SCAPER: variants seen among roughly 807,000 people sequenced by gnomAD.
SCAPER encodes the protein S phase cyclin A-associated protein in the endoplasmic reticulum.
SCAPER carries 98 observed loss-of-function variants against 182.2 expected under a neutral mutation model. That is an observed-to-expected ratio of 0.54 (90% CI 0.46 to 0.64). The LOEUF (loss-of-function observed/expected upper bound fraction) is 0.64. Among genes scored for constraint, SCAPER ranks in the 30% least tolerant of loss-of-function variants. SCAPER has a pLI of 0.00. For missense variants in SCAPER, 1,432 were observed against 1,690.0 expected (o/e 0.85, Z 2.68); for synonymous variants, 605 against 564.6 (o/e 1.07, Z -1.01).
chr15:76,448,931 T>C (rs2048188126), intron 25 of SCAPER, among the ~76,000 whole-genome samples: 1 of 152,182 alleles, frequency 6.6e-6, no homozygotes, highest in Admixed American at 6.5e-5. Context: ...AGTTATCATC[T>C]CTCTTCTACT....
rs551704140 is a variant in SCAPER, at chr15:76,845,792, A to T, written c.196-3861T>A. 3.2e-3 allele frequency among the ~76,000 whole-genome samples: 483 copies of T among 152,186 alleles called. 5 individuals carry two copies. The highest frequency in any genetic ancestry group is 0.011 in the African/African-American group (461 of 41,540). ...ATCCAAAGCAATCTATAGATTCAATACAATCCCTATCAAAATACCAATGAC... is the reference window on the plus strand; with the variant it reads ...ATCCAAAGCAATCTATAGATTCAATTCAATCCCTATCAAAATACCAATGAC... On this transcript the variant is annotated intron_variant, in intron 4 of 31. Coordinates refer to ENST00000563290, the MANE Select transcript of SCAPER (RefSeq NM_020843.4).
In SCAPER at chr15:76,554,984, T is replaced by G. The variant is rs545302916; in HGVS notation, c.2838+19174A>C. On this transcript the variant is annotated intron_variant, in intron 23 of 31. Transcript: ENST00000563290. Reference sequence around the variant, plus strand: ...TTAGTAGAGACAGGGTTTTGCCATGTTGGCCAGGCTGGTCTCGAACTCCTG... The same window carrying G: ...TTAGTAGAGACAGGGTTTTGCCATGGTGGCCAGGCTGGTCTCGAACTCCTG... Among the ~76,000 whole-genome samples the G allele has an allele frequency of 1.6e-3, 246 of 152,252 alleles. 1 individual carries two copies. Among genetic ancestry groups the G allele is most frequent in the African/African-American group, 5.6e-3 (232 of 41,540 alleles).
intron 27 of SCAPER, among the ~76,000 whole-genome samples, chr15:76,386,228 CCTTAA>C (rs1330374652): frequency 6.6e-6 from 1 of 152,190 alleles, no homozygotes; most frequent in Admixed American, 6.5e-5. Flanking sequence ...ATCTCAAGAT[CCTTAA>C]CTTAATTGTA....
intron 2 of SCAPER, among the ~76,000 whole-genome samples, chr15:76,863,972 T>A (rs1308706631): frequency 6.6e-6 from 1 of 152,190 alleles, no homozygotes; most frequent in East Asian, 1.9e-4. Flanking sequence ...GAGGACAGCA[T>A]CCTCTACCCA....
chr15:76,419,335 GA>G (rs71444980), intron 26 of SCAPER, among the ~76,000 whole-genome samples: 145 of 92,570 alleles, frequency 1.6e-3, no homozygotes, highest in African/African-American at 4.2e-3. Context: ...GTCTCAAAAA[GA>G]AAAAAAAAAA....
At chr15:76,862,594 A>G (rs200127882) in intron 2 of SCAPER, 61 bp from the exon 3 acceptor site, 13 of 1,066,344 alleles carry the variant, frequency 1.2e-5, no homozygotes, top group Non-Finnish European at 1.6e-5. Flanking sequence ...TATATTTAAC[A>G]AAGTCATTAT....
chr15:76,664,645 A>T (rs1336355730), intron 21 of SCAPER, among the ~76,000 whole-genome samples: 1 of 152,152 alleles, frequency 6.6e-6, no homozygotes, highest in Non-Finnish European at 1.5e-5. Flanking sequence ...CAGGTTCAAA[A>T]AACAGGCCCT....
intron 15 of SCAPER, among the ~76,000 whole-genome samples, chr15:76,737,834 G>C (rs766878449): frequency 4.6e-5 from 7 of 152,144 alleles, no homozygotes; most frequent in Non-Finnish European, 1.0e-4. Flanking sequence ...CAAACCTCAA[G>C]AATCAACCTC....
chr15:76,451,600 TC>T (rs1174547551), intron 25 of SCAPER, among the ~76,000 whole-genome samples: 1 of 152,204 alleles, frequency 6.6e-6, no homozygotes, highest in African/African-American at 2.4e-5. Context: ...TGCTGCTTTT[TC>T]CTCTCTAAAC....
intron 22 of SCAPER, among the ~76,000 whole-genome samples, chr15:76,587,148 G>T (rs894489494): frequency 2.0e-5 from 3 of 152,070 alleles, no homozygotes; most frequent in Non-Finnish European, 2.9e-5. Context: ...GGTGTCAGTT[G>T]TAATATCTCC....
At chr15:76,796,099 C>G (rs147672138) in intron 7 of SCAPER, among the ~76,000 whole-genome samples, 1 of 152,056 alleles carries the variant, frequency 6.6e-6, no homozygotes, top group African/African-American at 2.4e-5. Context: ...TGCATTAATT[C>G]GTCAATCTTG....
intron 5 of SCAPER, among the ~76,000 whole-genome samples, chr15:76,819,800 C>T (rs1376600786): frequency 6.6e-6 from 1 of 152,128 alleles, no homozygotes; most frequent in East Asian, 1.9e-4. Context: ...TCAGAGTGAA[C>T]AGGCAACCTA....
chr15:76,477,931 T>C (rs894241511), intron 24 of SCAPER, among the ~76,000 whole-genome samples: 5 of 151,980 alleles, frequency 3.3e-5, no homozygotes, highest in African/African-American at 4.8e-5. Context: ...TTTATTGCTA[T>C]CTTAATTTTT....
At chr15:76,839,559 T>C (rs1193139935) in intron 5 of SCAPER, among the ~76,000 whole-genome samples, 1 of 152,216 alleles carries the variant, frequency 6.6e-6, no homozygotes. Flanking sequence ...GAGTAGAATA[T>C]AAAAATACCT....
rs118088860 is a variant in SCAPER, at chr15:76,530,498, C to T, written c.2839-25524G>A. ...TCTGAGAACGAGAAAAATTTAAAGG[C>T]ATCATGTACTGGCCTCCACTGTCCC... On this transcript the variant is annotated intron_variant, in intron 23 of 31. Transcript: ENST00000563290. 1.4e-4 allele frequency among the ~76,000 whole-genome samples: 22 copies of T among 152,268 alleles called. No homozygotes were observed. In the East Asian group the frequency reaches 4.2e-3, roughly 29 times the overall value.
intron 17 of SCAPER, among the ~76,000 whole-genome samples, chr15:76,707,768 A>C (rs2059334953): frequency 6.6e-6 from 1 of 152,170 alleles, no homozygotes; most frequent in Non-Finnish European, 1.5e-5. Context: ...TGACATTTAG[A>C]GAACACTCCA....
At position 76,804,169 on chromosome 15, in the gene SCAPER, C is replaced by T. The variant is rs570167611; in HGVS notation, c.494+364G>A. The stretch of plus-strand genomic sequence containing the variant: ...CATCCCATCCATGAAACACTTCTTC[C>T]GCATCCTCCTGAAATCTTCCCTGAT... On this transcript the variant is annotated intron_variant, in intron 6 of 31. Transcript: ENST00000563290. 2.6e-5 allele frequency among the ~76,000 whole-genome samples: 4 copies of T among 152,274 alleles called. No homozygotes were observed. The South Asian group carries it at 8.3e-4, about 32-fold the overall frequency.
chr15:76,843,942 A>G (rs556124600), intron 4 of SCAPER, among the ~76,000 whole-genome samples: 2 of 152,340 alleles, frequency 1.3e-5, no homozygotes, highest in Admixed American at 1.3e-4. Flanking sequence ...TGTGCCAAGC[A>G]TTGCACCAAG....
chr15:76,744,357 C>T (rs1267697541), intron 15 of SCAPER, among the ~76,000 whole-genome samples: 1 of 152,102 alleles, frequency 6.6e-6, no homozygotes, highest in Non-Finnish European at 1.5e-5. Context: ...AGACAACCTA[C>T]AGAATGGGAG....
Sources: gnomAD v4.1 joint callset for allele counts (sites outside exome capture counted in the v4.1 genomes callset) on GRCh38, gnomAD v4.1.1 for gene constraint, MANE v1.5 for transcripts, NCBI Gene and HGNC (gene_info 2026-07-23, HGNC 2026-07-21) for gene names.